The following ROR2 variants were observed in gnomAD, a reference collection of about 807,000 sequenced individuals.
ROR2 encodes ROR family WNT receptor 2, also known as tyrosine-protein kinase transmembrane receptor ROR2.
A neutral mutation model predicts 74.9 loss-of-function variants in ROR2; 33 were observed. That is an observed-to-expected ratio of 0.44 (90% confidence interval 0.33 to 0.59). The LOEUF is 0.59. Among genes scored for constraint, ROR2 ranks in the 20% least tolerant of loss-of-function variants. The pLI, the probability that ROR2 is intolerant of heterozygous loss-of-function variation, is 0.02. For synonymous variants in ROR2, 586 were observed against 558.7 expected (o/e 1.05, Z -0.69); for missense variants, 1,216 against 1,313.8 (o/e 0.93, Z 1.15).
intron 2 of ROR2, among the ~76,000 whole-genome samples, chr9:91,773,794 C>T (rs1459122308): frequency 1.3e-5 from 2 of 152,222 alleles, no homozygotes; most frequent in African/African-American, 4.8e-5. Context: ...ACACACTTCC[C>T]TCTCGTTTTC....
At chr9:91,753,384 G>T (rs994731080) in intron 4 of ROR2, among the ~76,000 whole-genome samples, 2 of 152,196 alleles carry the variant, frequency 1.3e-5, no homozygotes, top group African/African-American at 4.8e-5. Context: ...GGAGAACAAA[G>T]CAGGTCATTT....
chr9:91,864,190 G>A (rs893879489), intron 1 of ROR2, among the ~76,000 whole-genome samples: 4 of 152,136 alleles, frequency 2.6e-5, no homozygotes, highest in African/African-American at 9.7e-5. Flanking sequence ...ATTCAAATTC[G>A]ACAGGAAAGG....
intron 1 of ROR2, 37 bp downstream of exon 1, chr9:91,949,830 C>A: frequency 7.7e-7 from 1 of 1,303,248 alleles, no homozygotes; most frequent in Non-Finnish European, 1.1e-6. Context: ...GAGCCGTGAG[C>A]TACCGTCTGC....
At chr9:91,929,689 C>T (rs1476640031) in intron 1 of ROR2, among the ~76,000 whole-genome samples, 2 of 152,120 alleles carry the variant, frequency 1.3e-5, no homozygotes, top group African/African-American at 4.8e-5. Flanking sequence ...CACACTGCTC[C>T]AAGTCCAAGA....
chr9:91,800,681 G>A (rs981817461), intron 1 of ROR2, among the ~76,000 whole-genome samples: 2 of 152,206 alleles, frequency 1.3e-5, no homozygotes, highest in African/African-American at 4.8e-5. Flanking sequence ...CGAGGGACCA[G>A]AGCACAGCAC....
chr9:91,939,174 C>T (rs1445430591), intron 1 of ROR2, among the ~76,000 whole-genome samples: 2 of 151,980 alleles, frequency 1.3e-5, no homozygotes, highest in African/African-American at 2.4e-5. Flanking sequence ...TGCCTGAACC[C>T]GGAAGGCAGA....
At chr9:91,933,174 G>A (rs1251350589) in intron 1 of ROR2, among the ~76,000 whole-genome samples, 1 of 152,044 alleles carries the variant, frequency 6.6e-6, no homozygotes, top group African/African-American at 2.4e-5. Flanking sequence ...AAATTAGCCG[G>A]GCATGGTGGC....
intron 1 of ROR2, among the ~76,000 whole-genome samples, chr9:91,892,024 G>A (rs993544386): frequency 3.7e-4 from 54 of 147,122 alleles, no homozygotes; most frequent in African/African-American, 1.4e-3. Context: ...CTCCAGGCTG[G>A]GCAACAGAAC....
chr9:91,810,399 C>T (rs1297088382), intron 1 of ROR2, among the ~76,000 whole-genome samples: 1 of 152,090 alleles, frequency 6.6e-6, no homozygotes, highest in Non-Finnish European at 1.5e-5. Flanking sequence ...GAAGCACCTG[C>T]GGGATTGACG....
intron 1 of ROR2, among the ~76,000 whole-genome samples, chr9:91,849,787 C>T (rs139373044): frequency 4.6e-5 from 7 of 152,324 alleles, no homozygotes; most frequent in Admixed American, 1.3e-4. Context: ...GTGTCATTTA[C>T]GCTTTCAAAT....
chr9:91,835,345 T>G (rs767653668), intron 1 of ROR2, among the ~76,000 whole-genome samples: 31 of 152,324 alleles, frequency 2.0e-4, no homozygotes, highest in Non-Finnish European at 3.2e-4. Flanking sequence ...TAAGGAGACA[T>G]GTACAATTTC....
At chr9:91,938,277 A>C (rs985167542) in intron 1 of ROR2, among the ~76,000 whole-genome samples, 1 of 152,154 alleles carries the variant, frequency 6.6e-6, no homozygotes, top group Non-Finnish European at 1.5e-5. Flanking sequence ...TGAACAACAT[A>C]GTGAGACTCT....
At chr9:91,868,307 GA>G (rs998424419) in intron 1 of ROR2, among the ~76,000 whole-genome samples, 3 of 151,698 alleles carry the variant, frequency 2.0e-5, no homozygotes, top group African/African-American at 7.3e-5. Context: ...GAACAAAAGA[GA>G]AAAAAATTGA....
At chr9:91,806,771 A>G (rs552465011) in intron 1 of ROR2, among the ~76,000 whole-genome samples, 18 of 152,192 alleles carry the variant, frequency 1.2e-4, no homozygotes, top group African/African-American at 2.6e-4. Context: ...TTGTATTTTT[A>G]GTAGAGACGG....
chr9:91,795,499 G>A (rs777766088), intron 1 of ROR2, among the ~76,000 whole-genome samples: 75 of 152,240 alleles, frequency 4.9e-4, no homozygotes, highest in Admixed American at 2.6e-3. Context: ...TCACTTCTAA[G>A]CTTTCTCCTT....
intron 4 of ROR2, among the ~76,000 whole-genome samples, chr9:91,749,618 C>T (rs1416090936): frequency 6.6e-6 from 1 of 152,168 alleles, no homozygotes; most frequent in African/African-American, 2.4e-5. Context: ...TGTTAGCATA[C>T]TGTGGAATTC....
At chr9:91,787,870 CTT>C in intron 1 of ROR2, among the ~76,000 whole-genome samples, 1 of 152,148 alleles carries the variant, frequency 6.6e-6, no homozygotes, top group African/African-American at 2.4e-5. Flanking sequence ...CAGACAAACA[CTT>C]TATCAGCACC....
intron 1 of ROR2, among the ~76,000 whole-genome samples, chr9:91,792,068 A>G (rs1826999245): frequency 1.3e-5 from 2 of 152,338 alleles, no homozygotes; most frequent in African/African-American, 4.8e-5. Context: ...GAAACACAAC[A>G]TAAAATTTAA....
At chr9:91,847,226 CAGACTT>C (rs1828959847) in intron 1 of ROR2, among the ~76,000 whole-genome samples, 1 of 152,172 alleles carries the variant, frequency 6.6e-6, no homozygotes, top group African/African-American at 2.4e-5. Flanking sequence ...ACAGCACAGA[CAGACTT>C]AGAACCAGAA....
Sources: gnomAD v4.1 joint callset for allele counts (sites outside exome capture counted in the v4.1 genomes callset) on GRCh38, gnomAD v4.1.1 for gene constraint, MANE v1.5 for transcripts, NCBI Gene and HGNC (gene_info 2026-07-23, HGNC 2026-07-21) for gene names.